PRELID2: variants seen among roughly 807,000 people sequenced by gnomAD.
PRELID2 encodes PRELI domain-containing protein 2.
In PRELID2, 25 loss-of-function variants were observed where a neutral mutation model predicts 28.4. The observed-to-expected ratio is 0.88, with a 90% CI of 0.64 to 1.23. PRELID2 has a LOEUF of 1.23. Ranked by LOEUF, PRELID2 falls within the 50% of genes most tolerant of loss-of-function variation. The pLI is 0.00. For synonymous variants in PRELID2, 76 were observed against 71.6 expected (o/e 1.06, Z -0.31); for missense variants, 201 against 214.4 (o/e 0.94, Z 0.39).
At chr5:145,704,811 C>A (rs948188985) in intron 1 of PRELID2, among the ~76,000 whole-genome samples, 1 of 152,130 alleles carries the variant, frequency 6.6e-6, no homozygotes, top group Non-Finnish European at 1.5e-5. Flanking sequence ...GTGGTGGGAC[C>A]AGTAAAACAG....
At chr5:145,533,251 A>T (rs1395048784) in intron 1 of PRELID2, among the ~76,000 whole-genome samples, 4 of 152,030 alleles carry the variant, frequency 2.6e-5, no homozygotes, top group African/African-American at 9.7e-5. Flanking sequence ...GTTCCTAATG[A>T]CTTGGGGAGA....
chr5:145,372,840 C>T, the PRELID2 span, among the ~76,000 whole-genome samples: 1 of 142,408 alleles, frequency 7.0e-6, no homozygotes, highest in Non-Finnish European at 1.5e-5. Flanking sequence ...AGCTCATTTA[C>T]ATAAGGTTAT....
At chr5:145,400,692 G>C in the PRELID2 span, among the ~76,000 whole-genome samples, 1 of 151,990 alleles carries the variant, frequency 6.6e-6, no homozygotes, top group East Asian at 1.9e-4. Context: ...TGGGAAGGAG[G>C]GTGTCTGGCT....
At chr5:145,387,336 A>T in the PRELID2 span, among the ~76,000 whole-genome samples, 185 of 152,266 alleles carry the variant, frequency 1.2e-3, no homozygotes, top group African/African-American at 4.2e-3. Context: ...TAAAGTGAGA[A>T]TATAATAATG....
intron 1 of PRELID2, among the ~76,000 whole-genome samples, chr5:145,725,952 G>A (rs1177788361): frequency 6.6e-6 from 1 of 152,070 alleles, no homozygotes; most frequent in African/African-American, 2.4e-5. Flanking sequence ...GTAGGCCAAG[G>A]CAGGTAGATC....
At chr5:145,326,812 A>G in the PRELID2 span, among the ~76,000 whole-genome samples, 1 of 152,162 alleles carries the variant, frequency 6.6e-6, no homozygotes, top group Non-Finnish European at 1.5e-5. Context: ...AAGACCAGAA[A>G]AAAAGCATTA....
chr5:145,589,306 G>C (rs6879415), intron 1 of PRELID2, among the ~76,000 whole-genome samples: 10,875 of 152,072 alleles, frequency 0.072, 581 homozygotes, highest in Admixed American at 0.18. Context: ...CGTTAGAAAG[G>C]CTCTTACATG....
the PRELID2 span, among the ~76,000 whole-genome samples, chr5:145,261,583 G>A: frequency 6.6e-6 from 1 of 152,108 alleles, no homozygotes; most frequent in Non-Finnish European, 1.5e-5. Flanking sequence ...TAGATCCAGA[G>A]GAAAAATAAC....
chr5:145,652,146 G>A lies in PRELID2; in HGVS notation n.70+112785C>T, dbSNP rs569091093. Among the ~76,000 whole-genome samples, 237 of 152,292 alleles carry A rather than the reference G, an allele frequency of 1.6e-3. 1 individual carries two copies. The highest frequency in any genetic ancestry group is 5.3e-3 in the African/African-American group (220 of 41,552). ...AGCAGAATCAATCAACTGGAAGAAA[G>A]GGTATCAGGGATTGAAGATCAAATG... On this transcript the variant is annotated intron_variant and non_coding_transcript_variant, in intron 1 of 2. Transcript: ENST00000510259.
chr5:145,790,449 G>A (rs1423673953), intron 5 of PRELID2, among the ~76,000 whole-genome samples: 2 of 152,074 alleles, frequency 1.3e-5, no homozygotes, highest in Non-Finnish European at 2.9e-5. Context: ...GAAGTAGAGA[G>A]TAGAATGGTG....
chr5:145,459,499 A>C, the PRELID2 span, among the ~76,000 whole-genome samples: 1 of 152,208 alleles, frequency 6.6e-6, no homozygotes, highest in Admixed American at 6.5e-5. Flanking sequence ...CTATTCTTCC[A>C]CATAATCTAC....
intron 1 of PRELID2, among the ~76,000 whole-genome samples, chr5:145,672,994 T>C (rs1487632997): frequency 6.6e-6 from 1 of 152,164 alleles, no homozygotes; most frequent in African/African-American, 2.4e-5. Flanking sequence ...CAAGCACCTA[T>C]GTTCTGATTC....
chr5:145,720,218 C>T (rs916389026), intron 1 of PRELID2, among the ~76,000 whole-genome samples: 1 of 151,474 alleles, frequency 6.6e-6, no homozygotes, highest in Non-Finnish European at 1.5e-5. Flanking sequence ...CAGGAAATTA[C>T]AGAAAATCTA....
chr5:145,257,755 C>A, the PRELID2 span, among the ~76,000 whole-genome samples: 2 of 152,046 alleles, frequency 1.3e-5, no homozygotes, highest in African/African-American at 4.8e-5. Flanking sequence ...CATTTCATAA[C>A]GATAAATGGG....
At chr5:145,572,078 T>C (rs1294167592) in intron 1 of PRELID2, among the ~76,000 whole-genome samples, 1 of 152,314 alleles carries the variant, frequency 6.6e-6, no homozygotes, top group Non-Finnish European at 1.5e-5. Context: ...AATAAGAACC[T>C]TGGTCTCCAC....
At chr5:145,782,810 G>A (rs913171128) in intron 5 of PRELID2, among the ~76,000 whole-genome samples, 3 of 152,218 alleles carry the variant, frequency 2.0e-5, no homozygotes, top group African/African-American at 7.2e-5. Flanking sequence ...AGGGCTTAAA[G>A]ACTATTTGTC....
chr5:145,374,741 C>T, the PRELID2 span, among the ~76,000 whole-genome samples: 1 of 152,104 alleles, frequency 6.6e-6, no homozygotes, highest in South Asian at 2.1e-4. Context: ...GGCCTTCAAA[C>T]TCTGACATCC....
At chr5:145,588,382 C>T (rs1252938170) in intron 1 of PRELID2, among the ~76,000 whole-genome samples, 1 of 152,078 alleles carries the variant, frequency 6.6e-6, no homozygotes, top group Non-Finnish European at 1.5e-5. Context: ...AAAAGCCCTA[C>T]CTTTCCTTTC....
At chr5:145,665,265 G>A (rs1035102469) in intron 1 of PRELID2, among the ~76,000 whole-genome samples, 56 of 152,064 alleles carry the variant, frequency 3.7e-4, no homozygotes, top group African/African-American at 1.4e-3. Context: ...GAATTGTCTG[G>A]AAGAGCAGGT....
Sources: gnomAD v4.1 joint callset for allele counts (sites outside exome capture counted in the v4.1 genomes callset) on GRCh38, gnomAD v4.1.1 for gene constraint, MANE v1.5 for transcripts, NCBI Gene and HGNC (gene_info 2026-07-23, HGNC 2026-07-21) for gene names.